Variants in LSM14A observed in about 807,000 individuals in gnomAD.
The protein encoded by LSM14A is LSM14A mRNA processing body assembly factor.
LSM14A carries 14 observed loss-of-function variants against 52.4 expected under a neutral mutation model. The observed-to-expected ratio is 0.27, with a 90% CI of 0.18 to 0.42. LSM14A has a LOEUF of 0.42. LSM14A is among the 10% of genes least tolerant of loss of function. The pLI is 1.00. For missense variants in LSM14A, 417 were observed against 581.8 expected (o/e 0.72, Z 2.91); for synonymous variants, 185 against 200.3 (o/e 0.92, Z 0.64).
intron 6 of LSM14A, among the ~76,000 whole-genome samples, chr19:34,217,046 G>A (rs1363215801): frequency 2.0e-5 from 3 of 152,112 alleles, no homozygotes; most frequent in Non-Finnish European, 4.4e-5. Context: ...CAGGTCACGA[G>A]GTCAGGAGTT....
Position 34,201,317 on chromosome 19 carries a change from A to G in LSM14A, c.415+4554A>G, listed in dbSNP as rs953334722. On this transcript the variant is annotated intron_variant, in intron 3 of 9. Coordinates refer to ENST00000544216, the MANE Select transcript of LSM14A (RefSeq NM_015578.4). ...GCTGTGGCATTGGTCAAGGTGACAG[A>G]TGTTTTTCAGAAAAGGAATTAACTT... Among the ~76,000 whole-genome samples the G allele has an allele frequency of 9.2e-5, 14 of 152,316 alleles. No homozygotes were observed. The East Asian group carries it at 1.7e-3, about 19-fold the overall frequency.
intron 5 of LSM14A, 56 bp downstream of exon 5, chr19:34,215,356 C>A: frequency 6.9e-7 from 1 of 1,455,802 alleles, no homozygotes; most frequent in South Asian, 1.3e-5. Flanking sequence ...TTTCCACTCA[C>A]TTTATTTTCA....
chr19:34,189,532 A>G (rs561502948), intron 1 of LSM14A, among the ~76,000 whole-genome samples: 4 of 152,260 alleles, frequency 2.6e-5, no homozygotes, highest in South Asian at 2.1e-4. Context: ...CACATTACCT[A>G]TGGGTATTTA....
chr19:34,198,922 G>A (rs750287176), intron 3 of LSM14A, among the ~76,000 whole-genome samples: 2 of 151,918 alleles, frequency 1.3e-5, no homozygotes, highest in African/African-American at 2.4e-5. Flanking sequence ...AGGAGGCGGA[G>A]CTTGCGGTGA....
At chr19:34,194,774 A>T (rs564627666) in intron 2 of LSM14A, 133 bp downstream of exon 2, 2 of 800,484 alleles carry the variant, frequency 2.5e-6, no homozygotes, top group East Asian at 5.1e-5. Context: ...ATTACTGGAT[A>T]ATGTTCTCAT....
chr19:34,181,736 TTGA>T (rs2069495686), intron 1 of LSM14A, among the ~76,000 whole-genome samples: 1 of 152,228 alleles, frequency 6.6e-6, no homozygotes, highest in Non-Finnish European at 1.5e-5. Context: ...CTGCATTCTT[TTGA>T]TGATCTCATC....
intron 1 of LSM14A, among the ~76,000 whole-genome samples, chr19:34,189,311 G>C (rs1568477842): frequency 6.6e-6 from 1 of 152,198 alleles, no homozygotes; most frequent in Non-Finnish European, 1.5e-5. Context: ...TAGAGGCATT[G>C]CAAGTGGTAT....
intron 2 of LSM14A, chr19:34,195,216 CAG>C (rs79940117): frequency 0.36 from 51,207 of 143,656 alleles, 9,420 homozygotes; most frequent in African/African-American, 0.41. Context: ...TTTTTTTTGA[CAG>C]AGTCGTTGGA....
rs530090509 is a variant in LSM14A, at chr19:34,211,579, GAGTTTGAGACC to G, written c.538+2531_538+2541del. On this transcript the variant is annotated intron_variant, in intron 4 of 9. Coordinates refer to ENST00000544216, the MANE Select transcript of LSM14A (RefSeq NM_015578.4). ...AGCCAGGATGATCACTTGAGCCCAC[GAGTTTGAGACC>G]AGCCTGAGCAACGTAGTGAAACTTC... Among the ~76,000 whole-genome samples the G allele has an allele frequency of 1.0e-2, 1,519 of 152,202 alleles. 16 individuals are homozygous for G. Among genetic ancestry groups the G allele is most frequent in the South Asian group, 0.029 (141 of 4,822 alleles).
intron 3 of LSM14A, among the ~76,000 whole-genome samples, chr19:34,200,908 G>C (rs1331559990): frequency 6.6e-6 from 1 of 152,036 alleles, no homozygotes; most frequent in Admixed American, 6.6e-5. Context: ...CTGACTTTGA[G>C]ATCATCATTA....
chr19:34,202,592 C>T (rs984474644), intron 3 of LSM14A, among the ~76,000 whole-genome samples: 10 of 151,870 alleles, frequency 6.6e-5, no homozygotes, highest in African/African-American at 2.4e-4. Context: ...AACTCAAAAG[C>T]TTGATTATAT....
intron 5 of LSM14A, 129 bp downstream of exon 5, chr19:34,215,429 G>T: frequency 8.5e-7 from 1 of 1,177,644 alleles, no homozygotes; most frequent in South Asian, 1.5e-5. Flanking sequence ...TAGAATGTTT[G>T]GTCTTTCAAA....
At chr19:34,221,429 G>T in intron 8 of LSM14A, 78 bp from the exon 9 acceptor site, 1 of 1,431,008 alleles carries the variant, frequency 7.0e-7, no homozygotes, top group East Asian at 2.4e-5. Context: ...GGCTTAATTT[G>T]GGAGTAGCAC....
At chr19:34,192,319 G>GTTGTTTTTTTTTTTTTTTT (rs60512063) in intron 1 of LSM14A, among the ~76,000 whole-genome samples, 12 of 53,406 alleles carry the variant, frequency 2.2e-4, no homozygotes, top group African/African-American at 9.7e-4. Context: ...TCTTTTTGTT[G>GTTGTTTTTTTTTTTTTTTT]TTTTTTTTTT....
chr19:34,194,701 C>A, intron 2 of LSM14A, 60 bp downstream of exon 2: 1 of 1,490,688 alleles, frequency 6.7e-7, no homozygotes, highest in Non-Finnish European at 9.3e-7. Flanking sequence ...TTAGCCTTGG[C>A]TTTTTTCTCT....
chr19:34,208,088 TAACTG>T (rs1302004204), intron 3 of LSM14A: 1 of 152,202 alleles, frequency 6.6e-6, no homozygotes, highest in Non-Finnish European at 1.5e-5. Flanking sequence ...TAGGTTTTAT[TAACTG>T]AAGTGAATAG....
At chr19:34,199,286 G>A (rs952389186) in intron 3 of LSM14A, among the ~76,000 whole-genome samples, 14 of 151,732 alleles carry the variant, frequency 9.2e-5, no homozygotes, top group African/African-American at 2.7e-4. Context: ...CACCACTCCC[G>A]GCTAGATTTT....
chr19:34,220,765 C>T (rs1254239027), intron 8 of LSM14A, among the ~76,000 whole-genome samples: 2 of 152,168 alleles, frequency 1.3e-5, no homozygotes, highest in African/African-American at 4.8e-5. Flanking sequence ...TCTTGGGTTA[C>T]TTGGTATCGG....
intron 1 of LSM14A, among the ~76,000 whole-genome samples, chr19:34,182,530 C>T (rs1229135308): frequency 6.6e-6 from 1 of 151,554 alleles, no homozygotes; most frequent in Non-Finnish European, 1.5e-5. Context: ...CTCTGTGGAC[C>T]TTGTGAATCT....
Sources: gnomAD v4.1 joint callset for allele counts (sites outside exome capture counted in the v4.1 genomes callset) on GRCh38, gnomAD v4.1.1 for gene constraint, MANE v1.5 for transcripts, NCBI Gene and HGNC (gene_info 2026-07-23, HGNC 2026-07-21) for gene names.